The following CNMD variants were observed in gnomAD, a reference collection of about 807,000 sequenced individuals.
The protein encoded by CNMD is chondromodulin, also known as leukocyte cell-derived chemotaxin 1.
CNMD carries 30 observed loss-of-function variants against 37.5 expected under a neutral mutation model. The observed-to-expected ratio is 0.80, with a 90% CI of 0.60 to 1.09. The LOEUF (loss-of-function observed/expected upper bound fraction) is 1.09, where lower values mean the gene tolerates loss of function less well. Among genes scored for constraint, CNMD ranks in the 50% least tolerant of loss-of-function variants. The pLI is 0.00. For synonymous variants in CNMD, 167 were observed against 148.2 expected (o/e 1.13, Z -0.92); for missense variants, 398 against 423.9 (o/e 0.94, Z 0.54).
rs1964843641 is a variant in CNMD at position 52,739,349 on chromosome 13, T to G, written c.73-178A>C. On this transcript the variant is annotated intron_variant, in intron 1 of 6. Transcript: ENST00000377962. This position sits in a 1 kb window ranked among gnomAD's most constrained non-coding sequence, Gnocchi z 5.4. ...GCTCCCTCCCGAGGGTCCTTTGCAG[T>G]CGGGCGTGGAAGTGGGATGAGCAAA... is the stretch of plus-strand genomic sequence containing the variant. The G allele has an allele frequency of 2.6e-6, 2 of 782,354 alleles. No homozygotes were observed. Among genetic ancestry groups the G allele is most frequent in the South Asian group, 1.9e-5 (1 of 51,796 alleles). 48.5% of individuals were successfully genotyped at this position (782,354 alleles called of 1,614,324 possible).
intron 4 of CNMD, among the ~76,000 whole-genome samples, chr13:52,723,506 A>AAT (rs933457249): frequency 6.6e-6 from 1 of 152,220 alleles, no homozygotes; most frequent in African/African-American, 2.4e-5. Flanking sequence ...AAAACGTTTA[A>AAT]ATATACTATA....
At chr13:52,736,642 T>C (rs1964771539) in intron 2 of CNMD, among the ~76,000 whole-genome samples, 1 of 152,220 alleles carries the variant, frequency 6.6e-6, no homozygotes, top group African/African-American at 2.4e-5. Context: ...AGGCTATTTT[T>C]ATCCAAACAA....
Position 52,738,960 on chromosome 13 carries a change from C to T in CNMD, c.213+71G>A. On this transcript the variant is annotated intron_variant, in intron 2 of 6. Transcript: ENST00000377962. ...CGGCAGCCGCGCGCCCCTCGCCGGC[C>T]CGCGCTCGGGCTCCCCCTAGGGGCA... The T allele has an allele frequency of 2.9e-6, 4 of 1,358,092 alleles. No homozygotes were observed. The South Asian group carries it at 8.1e-5, about 28-fold the overall frequency. The allele number at this position is 1,358,092 out of a possible 1,614,324, so 84.1% of individuals were successfully genotyped here.
At chr13:52,708,223 C>A (rs1170972030) in intron 6 of CNMD, among the ~76,000 whole-genome samples, 1 of 152,046 alleles carries the variant, frequency 6.6e-6, no homozygotes, top group Non-Finnish European at 1.5e-5. Context: ...GCCCTGTCAC[C>A]CAGGCTGAAG....
At chr13:52,732,195 G>A (rs953982448) in intron 3 of CNMD, among the ~76,000 whole-genome samples, 2 of 152,216 alleles carry the variant, frequency 1.3e-5, no homozygotes, top group African/African-American at 2.4e-5. Context: ...TCGATGAGGT[G>A]TTTGTGGACC....
In CNMD at chr13:52,739,777, G is replaced by T; in HGVS notation, c.-76C>A. The stretch of plus-strand genomic sequence containing the variant: ...ATCTGTCCCGCTGCCCCGACGTGCA[G>T]GGCATTTCAACGCCGCGCGCACACA... On this transcript the variant is annotated 5_prime_UTR_variant, in exon 1 of 7. It adds an upstream start codon to the 5' untranslated region. Coordinates refer to ENST00000377962, the MANE Select transcript of CNMD (RefSeq NM_007015.3). This position sits in a 1 kb window ranked among gnomAD's most constrained non-coding sequence, Gnocchi z 5.4. The T allele has an allele frequency of 1.5e-6, 2 of 1,350,984 alleles. No individual in the cohort carries two copies. The highest frequency in any genetic ancestry group is 2.1e-6 in the Non-Finnish European group (2 of 948,096). The allele number at this position is 1,350,984 out of a possible 1,614,324, so 83.7% of individuals were successfully genotyped here. A position where few individuals can be genotyped will look rare whatever the true frequency, so the allele number is the denominator to read the frequency against.
At chr13:52,722,342 T>C (rs1321427586) in intron 4 of CNMD, among the ~76,000 whole-genome samples, 1 of 152,226 alleles carries the variant, frequency 6.6e-6, no homozygotes, top group Non-Finnish European at 1.5e-5. Context: ...TCAGGCAGTT[T>C]CCAGGCGCCT....
At chr13:52,738,493 T>TG (rs1964812812) in intron 2 of CNMD, among the ~76,000 whole-genome samples, 1 of 152,202 alleles carries the variant, frequency 6.6e-6, no homozygotes, top group Admixed American at 6.5e-5. Flanking sequence ...TTTGTTTGTT[T>TG]TTTGTTTTTG....
At chr13:52,710,454 C>T (rs1258691686) in intron 5 of CNMD, among the ~76,000 whole-genome samples, 2 of 152,220 alleles carry the variant, frequency 1.3e-5, no homozygotes, top group Non-Finnish European at 2.9e-5. Flanking sequence ...TGTCAGCTCT[C>T]CCCGTTCCCC....
Position 52,709,588 on chromosome 13 carries a change from GT to G in CNMD, c.623-887del, listed in dbSNP as rs560865196. On this transcript the variant is annotated intron_variant, in intron 5 of 6. Transcript: ENST00000377962. ...TGACTTGGCCAAGATCACAGAATGG[GT>G]GGCATAGGTAGGTGCCCAGTGCGAA... Among the ~76,000 whole-genome samples, 3 of 152,348 alleles carry G rather than the reference GT, an allele frequency of 2.0e-5. No individual in the cohort carries two copies. In the East Asian group the frequency reaches 5.8e-4, roughly 29 times the overall value.
chr13:52,719,189 C>T lies in CNMD; in HGVS notation c.468+4808G>A, dbSNP rs188057940. Reference sequence around the variant, plus strand: ...CTTTCCATTTGCTTGGTAAATATTCCTCCATCCCTTTATTTTGAACCTATG... The same window carrying T: ...CTTTCCATTTGCTTGGTAAATATTCTTCCATCCCTTTATTTTGAACCTATG... On this transcript the variant is annotated intron_variant, in intron 4 of 6. Transcript: ENST00000377962. 6.6e-5 allele frequency among the ~76,000 whole-genome samples: 10 copies of T among 152,318 alleles called. No individual in the cohort carries two copies. In the East Asian group the frequency reaches 1.9e-3, roughly 29 times the overall value.
chr13:52,733,312 A>G lies in CNMD; in HGVS notation c.261T>C (p.Asp87=), dbSNP rs749961845. Residue 87 remains aspartate (D), a synonymous_variant, in exon 3 of 7, where the codon GAT becomes GAC. Transcript: ENST00000377962. ...TCCCAGCGTCTATTTCCATTGACCC[A>G]TCTTGTAATTTCCCATTGATACTCA... ...YTMSINGKLQ[D]GSMEIDAGNN... The G allele has an allele frequency of 1.2e-6, 2 of 1,613,792 alleles. No individual in the cohort carries two copies. The highest frequency in any genetic ancestry group is 1.1e-5 in the South Asian group (1 of 91,074).
chr13:52,714,062 G>C (rs1964332101), intron 4 of CNMD, among the ~76,000 whole-genome samples: 1 of 152,178 alleles, frequency 6.6e-6, no homozygotes, highest in South Asian at 2.1e-4. Flanking sequence ...TAGCCAGTGA[G>C]ATCCAGGCCA....
chr13:52,714,593 T>C (rs2138233641), intron 4 of CNMD, among the ~76,000 whole-genome samples: 1 of 152,336 alleles, frequency 6.6e-6, no homozygotes, highest in East Asian at 1.9e-4. Context: ...TTATTTTTAA[T>C]TATTATTTGA....
intron 4 of CNMD, among the ~76,000 whole-genome samples, chr13:52,714,044 C>A (rs1163604611): frequency 6.6e-6 from 1 of 152,150 alleles, no homozygotes; most frequent in Non-Finnish European, 1.5e-5. Flanking sequence ...GCCCGGGTGA[C>A]CCAGTGGTAG....
intron 4 of CNMD, among the ~76,000 whole-genome samples, chr13:52,714,182 A>C (rs1009267718): frequency 1.3e-5 from 2 of 152,172 alleles, no homozygotes; most frequent in Non-Finnish European, 2.9e-5. Context: ...ATGCCAACTA[A>C]GGAAGTCAGG....
intron 3 of CNMD, among the ~76,000 whole-genome samples, chr13:52,724,417 C>CAAAAAA (rs71094319): frequency 4.1e-4 from 35 of 85,816 alleles, no homozygotes; most frequent in African/African-American, 1.2e-3. Context: ...ACTAAAAATA[C>CAAAAAA]AAAAAAAAAA....
intron 3 of CNMD, among the ~76,000 whole-genome samples, chr13:52,725,991 C>T (rs1265646227): frequency 6.6e-6 from 1 of 152,200 alleles, no homozygotes; most frequent in African/African-American, 2.4e-5. Context: ...TATTATTTGT[C>T]TTGTGGCTTA....
intron 3 of CNMD, among the ~76,000 whole-genome samples, chr13:52,729,322 C>T (rs1964625610): frequency 6.6e-6 from 1 of 152,072 alleles, no homozygotes; most frequent in Non-Finnish European, 1.5e-5. Context: ...ACTAATTGTC[C>T]CGGGTTGGAG....
Sources: gnomAD v4.1 joint callset for allele counts (sites outside exome capture counted in the v4.1 genomes callset) on GRCh38, gnomAD v4.1.1 for gene constraint, Gnocchi (gnomAD v3.1) non-coding constraint, MANE v1.5 for transcripts, NCBI Gene and HGNC (gene_info 2026-07-23, HGNC 2026-07-21) for gene names.